APBB1IP: variants seen among roughly 807,000 people sequenced by gnomAD.
APBB1IP encodes amyloid beta precursor protein binding family B member 1 interacting protein.
In APBB1IP, 27 loss-of-function variants were observed where a neutral mutation model predicts 64.9. The ratio of observed to expected loss-of-function variants is 0.42; its 90% CI spans 0.31 to 0.57. The LOEUF (loss-of-function observed/expected upper bound fraction) is 0.57, where lower values mean the gene tolerates loss of function less well. Among genes scored for constraint, APBB1IP ranks in the 20% least tolerant of loss-of-function variants. The pLI is 0.20. For synonymous variants in APBB1IP, 392 were observed against 331.0 expected (o/e 1.18, Z -2.00); for missense variants, 812 against 845.5 (o/e 0.96, Z 0.49).
At chr10:26,458,190 C>T (rs1835549364) in intron 2 of APBB1IP, among the ~76,000 whole-genome samples, 1 of 152,204 alleles carries the variant, frequency 6.6e-6, no homozygotes, top group African/African-American at 2.4e-5. Context: ...GAGTTTGAGA[C>T]TAGCTGGACC....
At chr10:26,528,258 G>A (rs1270987329) in intron 8 of APBB1IP, among the ~76,000 whole-genome samples, 1 of 152,168 alleles carries the variant, frequency 6.6e-6, no homozygotes, top group African/African-American at 2.4e-5. Context: ...AGAACTGGGA[G>A]CGATGGTCTG....
In APBB1IP at chr10:26,450,149, G is replaced by A. The variant is rs145472922; in HGVS notation, c.-1+11296G>A. On this transcript the variant is annotated intron_variant, in intron 2 of 14. Transcript: ENST00000376236. ...GTGTTAAACGCTGGGCAGTTTTGCA[G>A]TGGATCAAACACGGGCATTGGAATT... Among the ~76,000 whole-genome samples the A allele has an allele frequency of 7.2e-3, 1,094 of 152,304 alleles. 5 individuals carry two copies. Among genetic ancestry groups the A allele is most frequent in the Middle Eastern group, 0.017 (5 of 294 alleles).
chr10:26,561,056 C>CTTTT (rs1836962622), intron 13 of APBB1IP, among the ~76,000 whole-genome samples: 1 of 113,306 alleles, frequency 8.8e-6, no homozygotes, highest in Non-Finnish European at 1.8e-5. Flanking sequence ...TTTTTTCTTT[C>CTTTT]TTTCTTTCTT....
intron 2 of APBB1IP, among the ~76,000 whole-genome samples, chr10:26,464,022 G>A (rs1344396405): frequency 2.0e-5 from 3 of 152,102 alleles, no homozygotes; most frequent in African/African-American, 7.2e-5. Flanking sequence ...CCTCTGGTTG[G>A]TTGTCCCTGG....
chr10:26,487,157 C>T (rs1835901707), intron 2 of APBB1IP, among the ~76,000 whole-genome samples: 1 of 151,308 alleles, frequency 6.6e-6, no homozygotes, highest in Admixed American at 6.6e-5. Context: ...CTCTTTCTGG[C>T]TGCTAACCCA....
chr10:26,510,274 G>C (rs1342449501), intron 6 of APBB1IP, among the ~76,000 whole-genome samples: 2 of 152,148 alleles, frequency 1.3e-5, no homozygotes, highest in African/African-American at 4.8e-5. Context: ...GGCTGAATCA[G>C]ATGTTTTAAT....
intron 11 of APBB1IP, among the ~76,000 whole-genome samples, chr10:26,559,789 C>CTTTTTCTT (rs1230067966): frequency 8.6e-4 from 130 of 151,768 alleles, no homozygotes; most frequent in African/African-American, 2.8e-3. Context: ...CAGCTAATTT[C>CTTTTTCTT]TTTTTCTTTT....
In APBB1IP at chr10:26,559,824, A is replaced by G. The variant is rs1437382229; in HGVS notation, c.1156-281A>G. Among the ~76,000 whole-genome samples, 3 of 151,866 alleles carry G rather than the reference A, an allele frequency of 2.0e-5. No homozygotes were observed. In the South Asian group the frequency reaches 6.2e-4, roughly 32 times the overall value. Reference sequence around the variant, plus strand: ...TTTTCTTTTTTCTTTTTGGATTTTCAGTAGAGATGGGGTTTCACCACGTTG... The same window carrying G: ...TTTTCTTTTTTCTTTTTGGATTTTCGGTAGAGATGGGGTTTCACCACGTTG... On this transcript the variant is annotated intron_variant, in intron 11 of 14. Coordinates refer to ENST00000376236, the MANE Select transcript of APBB1IP (RefSeq NM_019043.4).
chr10:26,472,940 C>CAAAAAAAAAAAAAA (rs372086697), intron 2 of APBB1IP, among the ~76,000 whole-genome samples: 1 of 150,654 alleles, frequency 6.6e-6, no homozygotes, highest in Non-Finnish European at 1.5e-5. Flanking sequence ...TCATCAAAAA[C>CAAAAAAAAAAAAAA]AAAAAGAAAA....
intron 8 of APBB1IP, among the ~76,000 whole-genome samples, chr10:26,528,674 C>T (rs533841279): frequency 1.4e-4 from 21 of 152,276 alleles, no homozygotes; most frequent in African/African-American, 4.6e-4. Context: ...TGGTGGCTCA[C>T]GCCTGTAATC....
At chr10:26,458,151 G>A (rs1240142584) in intron 2 of APBB1IP, among the ~76,000 whole-genome samples, 2 of 152,186 alleles carry the variant, frequency 1.3e-5, no homozygotes, top group African/African-American at 4.8e-5. Flanking sequence ...ACTTTGGGAG[G>A]CCAAGGTCGG....
intron 2 of APBB1IP, among the ~76,000 whole-genome samples, chr10:26,465,594 G>GA (rs1351459601): frequency 1.3e-5 from 2 of 152,040 alleles, no homozygotes; most frequent in African/African-American, 4.8e-5. Flanking sequence ...CATTTTTAAA[G>GA]AAAAAATTAT....
At chr10:26,540,210 C>A (rs1405864788) in intron 10 of APBB1IP, among the ~76,000 whole-genome samples, 1 of 152,168 alleles carries the variant, frequency 6.6e-6, no homozygotes, top group African/African-American at 2.4e-5. Context: ...CCGTAGAATT[C>A]TCTGCAGCCA....
chr10:26,469,360 G>T (rs1212410821), intron 2 of APBB1IP, among the ~76,000 whole-genome samples: 2 of 144,562 alleles, frequency 1.4e-5, no homozygotes, highest in African/African-American at 2.6e-5. Context: ...CCCAGCTCAA[G>T]CCATTCTCCC....
chr10:26,514,964 C>T (rs996403858), intron 8 of APBB1IP, among the ~76,000 whole-genome samples: 6 of 151,850 alleles, frequency 4.0e-5, no homozygotes, highest in East Asian at 1.9e-4. Context: ...CTCTGCCTCC[C>T]GGGTTCAGGT....
intron 10 of APBB1IP, among the ~76,000 whole-genome samples, chr10:26,538,620 C>T (rs1393416058): frequency 1.5e-5 from 2 of 129,424 alleles, no homozygotes; most frequent in Non-Finnish European, 3.2e-5. Flanking sequence ...CAGCCTGGGG[C>T]GACAAAGTGA....
chr10:26,455,661 G>T (rs930290348), intron 2 of APBB1IP, among the ~76,000 whole-genome samples: 3 of 151,962 alleles, frequency 2.0e-5, no homozygotes, highest in Non-Finnish European at 4.4e-5. Flanking sequence ...TATGTCTGCT[G>T]ATTCAGCTGT....
chr10:26,485,058 TG>T (rs1835875131), intron 2 of APBB1IP, among the ~76,000 whole-genome samples: 2 of 152,230 alleles, frequency 1.3e-5, no homozygotes, highest in Non-Finnish European at 2.9e-5. Context: ...CTAAAATTTT[TG>T]GTTTGAAAAC....
chr10:26,462,046 C>CA (rs1256993611), intron 2 of APBB1IP, among the ~76,000 whole-genome samples: 1 of 152,146 alleles, frequency 6.6e-6, no homozygotes, highest in Admixed American at 6.5e-5. Flanking sequence ...AGGCCAAATC[C>CA]ACGTGGCTGC....
Sources: gnomAD v4.1 joint callset for allele counts (sites outside exome capture counted in the v4.1 genomes callset) on GRCh38, gnomAD v4.1.1 for gene constraint, MANE v1.5 for transcripts, NCBI Gene and HGNC (gene_info 2026-07-23, HGNC 2026-07-21) for gene names.